Variants in KIF1B observed in about 807,000 individuals in gnomAD.
The protein encoded by KIF1B is kinesin-like protein KIF1B.
Under a neutral mutation model 241.9 loss-of-function variants are expected in KIF1B, and 76 were observed. The ratio of observed to expected loss-of-function variants is 0.31; its 90% CI spans 0.26 to 0.38. KIF1B has a LOEUF of 0.38. Among genes scored for constraint, KIF1B ranks in the 10% least tolerant of loss-of-function variants. The probability of loss-of-function intolerance (pLI) is 1.00; values close to 1 mark genes in which losing one functional copy is unlikely to be tolerated. For synonymous variants in KIF1B, 750 were observed against 796.7 expected (o/e 0.94, Z 0.99); for missense variants, 1,622 against 2,271.4 (o/e 0.71, Z 5.81).
intron 45 of KIF1B, among the ~76,000 whole-genome samples, chr1:10,372,092 A>G (rs1472254416): frequency 1.3e-5 from 2 of 152,206 alleles, no homozygotes; most frequent in African/African-American, 4.8e-5. Context: ...GACACAGGCA[A>G]AGGTGGCTGG....
rs1276227203 is a variant in KIF1B, at chr1:10,268,146, A to C, written c.609-6A>C. 6 of 1,605,812 alleles carry C rather than the reference A, an allele frequency of 3.7e-6. No homozygotes were observed. The African/African-American group carries it at 8.0e-5, about 21-fold the overall frequency. ...TTGTCACGTGGTCACCTTTATGTTT[A>C]TTTAGGACAGTGGCAGCTACAAACA... On this transcript the variant is annotated splice_polypyrimidine_tract_variant and splice_region_variant and intron_variant, in intron 6 of 48. Transcript: ENST00000676179.
In KIF1B at chr1:10,337,483, G is replaced by T; in HGVS notation, c.3372G>T (p.Leu1124Phe). The T allele has an allele frequency of 6.2e-7, 1 of 1,614,216 alleles. No individual in the cohort carries two copies. The change falls in exon 31 of 49, where the codon TTG becomes TTT. Residue 1124 changes from leucine (L) to phenylalanine (F), a missense_variant. By Grantham distance (22) the Leu-to-Phe change is conservative (BLOSUM62 0). Transcript: ENST00000676179. This position sits in a 1 kb window ranked among gnomAD's most constrained non-coding sequence, Gnocchi z 4.0. ...CCTTCACTTTCCGAGTAACAGTGTT[G>T]CAGGCCAGTGGAATCCTCCCAGAGT... is the stretch of plus-strand genomic sequence containing the variant. ...GSAFTFRVTV[L>F]QASGILPEYA...
intron 2 of KIF1B, among the ~76,000 whole-genome samples, chr1:10,242,814 C>G (rs1164006560): frequency 2.6e-5 from 4 of 152,140 alleles, no homozygotes; most frequent in Non-Finnish European, 4.4e-5. Context: ...TGCGCCTGGC[C>G]TATTAATATA....
intron 22 of KIF1B, among the ~76,000 whole-genome samples, chr1:10,311,660 C>T (rs1040879145): frequency 6.6e-6 from 1 of 151,452 alleles, no homozygotes; most frequent in Non-Finnish European, 1.5e-5. Flanking sequence ...TCTCAGTCCT[C>T]ATCTTACTGA....
intron 22 of KIF1B, chr1:10,306,229 CTGAG>C: frequency 2.9e-6 from 3 of 1,041,220 alleles, no homozygotes; most frequent in Non-Finnish European, 3.5e-6. Flanking sequence ...AAGTCTTCAA[CTGAG>C]GTTTTATAGC....
chr1:10,330,953 C>A (rs895627656), intron 27 of KIF1B, among the ~76,000 whole-genome samples: 9 of 152,090 alleles, frequency 5.9e-5, no homozygotes, highest in Non-Finnish European at 1.3e-4. Context: ...GAAATAAGAC[C>A]TGAAGATGTG....
chr1:10,220,137 G>A (rs1646821862), intron 1 of KIF1B, among the ~76,000 whole-genome samples: 1 of 151,656 alleles, frequency 6.6e-6, no homozygotes, highest in Non-Finnish European at 1.5e-5. Flanking sequence ...GGGAGGTGGA[G>A]GTTACGGTGA....
intron 2 of KIF1B, among the ~76,000 whole-genome samples, chr1:10,250,096 C>T (rs1184414270): frequency 1.3e-5 from 2 of 152,062 alleles, no homozygotes; most frequent in African/African-American, 4.8e-5. Context: ...CAGGCATGAG[C>T]CACTGAACCT....
intron 2 of KIF1B, among the ~76,000 whole-genome samples, chr1:10,253,219 G>T (rs1357163091): frequency 6.6e-6 from 1 of 152,114 alleles, no homozygotes; most frequent in Non-Finnish European, 1.5e-5. Flanking sequence ...CTCCAAAATT[G>T]CATCCTGAAT....
At chr1:10,292,800 T>C (rs1650066286) in intron 17 of KIF1B, among the ~76,000 whole-genome samples, 1 of 152,254 alleles carries the variant, frequency 6.6e-6, no homozygotes, top group African/African-American at 2.4e-5. Context: ...AGAAAATGAC[T>C]ATCAAATGGT....
intron 40 of KIF1B, among the ~76,000 whole-genome samples, chr1:10,362,058 T>G (rs959781005): frequency 1.3e-5 from 2 of 152,170 alleles, no homozygotes; most frequent in Non-Finnish European, 2.9e-5. Flanking sequence ...TCTAAAACAA[T>G]TTTGCAAAGA....
intron 1 of KIF1B, among the ~76,000 whole-genome samples, chr1:10,220,193 A>G (rs1482226839): frequency 1.3e-5 from 2 of 149,932 alleles, no homozygotes; most frequent in Non-Finnish European, 3.0e-5. Flanking sequence ...AACAAAAGCG[A>G]AACTCCGTCT....
Position 10,363,395 on chromosome 1 carries a change from A to C in KIF1B, c.4366+51A>C, listed in dbSNP as rs945554315. The C allele has an allele frequency of 3.4e-6, 5 of 1,472,214 alleles. No individual in the cohort carries two copies. The Admixed American group carries it at 6.7e-5, about 20-fold the overall frequency. 91.2% of individuals were successfully genotyped at this position (1,472,214 alleles called of 1,614,324 possible). ...GATAGTTATCTTTGTGTATGTTTCA[A>C]GTATCCTGTATTTAGGCTGGGCACG... On this transcript the variant is annotated intron_variant, in intron 41 of 48. Transcript: ENST00000676179.
chr1:10,217,149 T>A (rs538758766), intron 1 of KIF1B, among the ~76,000 whole-genome samples: 122 of 151,388 alleles, frequency 8.1e-4, no homozygotes, highest in Admixed American at 1.4e-3. Flanking sequence ...AATTTTTGTA[T>A]TTTTAGTAGA....
At chr1:10,242,371 A>T (rs1257103596) in intron 2 of KIF1B, among the ~76,000 whole-genome samples, 1 of 152,194 alleles carries the variant, frequency 6.6e-6, no homozygotes, top group Non-Finnish European at 1.5e-5. Context: ...TCTGTGGTAT[A>T]GCCTGTTGCT....
chr1:10,336,097 A>G (rs1373167930), intron 28 of KIF1B, among the ~76,000 whole-genome samples: 4 of 152,254 alleles, frequency 2.6e-5, no homozygotes, highest in Non-Finnish European at 5.9e-5. Flanking sequence ...TCTTGCCAGC[A>G]TGGAGACAGT....
rs1646684265 is a variant in KIF1B at position 10,210,933 on chromosome 1, G to A, written c.-80+55G>A. On this transcript the variant is annotated intron_variant, in intron 1 of 48. Transcript: ENST00000676179. This position sits in a 1 kb window ranked among gnomAD's most constrained non-coding sequence, Gnocchi z 4.1. ...GCCGCGGTCGCGGGGTTGGGGAGGG[G>A]GCCGCTTCCGCGGGGAGGAGCGGCC... 1 of 151,684 alleles carries A rather than the reference G, an allele frequency of 6.6e-6. No individual in the cohort carries two copies. The highest frequency in any genetic ancestry group is 1.5e-5 in the Non-Finnish European group (1 of 67,882). The allele number at this position is 151,684 out of a possible 1,614,324, so 9.4% of individuals were successfully genotyped here.
Position 10,339,726 on chromosome 1 carries a change from G to A in KIF1B, c.3423-43G>A, listed in dbSNP as rs562647089. The A allele has an allele frequency of 3.9e-5, 60 of 1,530,196 alleles. 1 individual carries two copies. In the South Asian group the frequency reaches 4.1e-4, roughly 10 times the overall value. 94.8% of individuals were successfully genotyped at this position (1,530,196 alleles called of 1,614,324 possible). ...TCTTGAAAGAGATTCTGATAAAACC[G>A]TTTAATGCATTGTTCACGAGTCTTT... On this transcript the variant is annotated intron_variant, in intron 31 of 48. Transcript: ENST00000676179.
At chr1:10,229,867 C>CAAAAAAAAAAAAAAAAAAAA (rs58923572) in intron 1 of KIF1B, among the ~76,000 whole-genome samples, 4 of 56,454 alleles carry the variant, frequency 7.1e-5, no homozygotes, top group African/African-American at 2.8e-4. Context: ...GACTCCGTCT[C>CAAAAAAAAAAAAAAAAAAAA]AAAAAAAAAA....
Sources: gnomAD v4.1 joint callset for allele counts (sites outside exome capture counted in the v4.1 genomes callset) on GRCh38, gnomAD v4.1.1 for gene constraint, Gnocchi (gnomAD v3.1) non-coding constraint, MANE v1.5 for transcripts, NCBI Gene and HGNC (gene_info 2026-07-23, HGNC 2026-07-21) for gene names.